The following KIF13A variants were observed in gnomAD, a reference collection of about 807,000 sequenced individuals.
KIF13A encodes the protein kinesin-like protein KIF13A.
In KIF13A, 79 loss-of-function variants were observed where a neutral mutation model predicts 212.2. The ratio of observed to expected loss-of-function variants is 0.37; its 90% CI spans 0.31 to 0.45. KIF13A has a LOEUF of 0.45. KIF13A is among the 20% of genes least tolerant of loss of function. The probability of loss-of-function intolerance (pLI) is 1.00; values close to 1 mark genes in which losing one functional copy is unlikely to be tolerated. For synonymous variants in KIF13A, 789 were observed against 808.6 expected, an observed-to-expected ratio of 0.98 and a Z score of 0.41; for missense variants, 1,901 against 2,209.0, an observed-to-expected ratio of 0.86 and a Z score of 2.79.
chr6:17,893,801 T>G (rs1196999726), intron 3 of KIF13A, among the ~76,000 whole-genome samples: 1 of 151,890 alleles, frequency 6.6e-6, no homozygotes, highest in African/African-American at 2.4e-5. Flanking sequence ...AAATAAACAT[T>G]GAATTCTGTC....
At chr6:17,983,757 GGA>G in intron 2 of KIF13A, among the ~76,000 whole-genome samples, 1 of 152,174 alleles carries the variant, frequency 6.6e-6, no homozygotes, top group South Asian at 2.1e-4. Flanking sequence ...CAAAGTGCTG[GGA>G]TTACAGGTGT....
At chr6:17,973,067 A>G (rs995413645) in intron 2 of KIF13A, among the ~76,000 whole-genome samples, 8 of 152,212 alleles carry the variant, frequency 5.3e-5, no homozygotes, top group Non-Finnish European at 1.2e-4. Flanking sequence ...GAAGATAGGA[A>G]ATATTGGAGA....
At chr6:17,810,341 C>A (rs1763325817) in intron 17 of KIF13A, among the ~76,000 whole-genome samples, 1 of 152,200 alleles carries the variant, frequency 6.6e-6, no homozygotes, top group Non-Finnish European at 1.5e-5. Context: ...CGGCTCAAGG[C>A]CTTGCAGGGC....
At chr6:17,797,321 G>A (rs1258599861) in intron 22 of KIF13A, among the ~76,000 whole-genome samples, 1 of 151,864 alleles carries the variant, frequency 6.6e-6, no homozygotes, top group Non-Finnish European at 1.5e-5. Flanking sequence ...GAGCCACCAT[G>A]CCCGGCCTCA....
In KIF13A at chr6:17,838,101, G is replaced by A. The variant is rs1291935979; in HGVS notation, c.831-518C>T. On this transcript the variant is annotated intron_variant, in intron 9 of 38. Coordinates refer to ENST00000259711, the MANE Select transcript of KIF13A (RefSeq NM_022113.6). This position sits in a 1 kb window ranked among gnomAD's most constrained non-coding sequence, Gnocchi z 4.2. ...GGAGGCTGAGGCAGGTGGATCATGAGGTCAGGGGTCAGGAGATCAAGACCA... is the reference window on the plus strand; with the variant it reads ...GGAGGCTGAGGCAGGTGGATCATGAAGTCAGGGGTCAGGAGATCAAGACCA... Among the ~76,000 whole-genome samples, 1 of 152,022 alleles carries A rather than the reference G, an allele frequency of 6.6e-6. No individual in the cohort carries two copies. The highest frequency in any genetic ancestry group is 1.9e-4 in the East Asian group (1 of 5,178).
chr6:17,841,079 C>CT (rs760337717), intron 9 of KIF13A, among the ~76,000 whole-genome samples: 4,028 of 137,430 alleles, frequency 0.029, 62 homozygotes, highest in Middle Eastern at 0.055. Flanking sequence ...ACCCCTTTTC[C>CT]TTTTTTTTTT....
chr6:17,765,590 G>A (rs1056285657), intron 38 of KIF13A, among the ~76,000 whole-genome samples: 3 of 152,182 alleles, frequency 2.0e-5, no homozygotes, highest in African/African-American at 7.2e-5. Flanking sequence ...TGAGAAGTAT[G>A]AGTAGAGGGT....
intron 22 of KIF13A, among the ~76,000 whole-genome samples, chr6:17,797,264 C>T (rs574235304): frequency 9.2e-5 from 14 of 152,134 alleles, no homozygotes; most frequent in Middle Eastern, 3.4e-3. Context: ...CTCCTGACCT[C>T]GTGATCCACC....
intron 9 of KIF13A, among the ~76,000 whole-genome samples, chr6:17,842,068 A>C (rs888117660): frequency 1.3e-5 from 2 of 150,002 alleles, no homozygotes; most frequent in Non-Finnish European, 3.0e-5. Flanking sequence ...TTTTTCTTTG[A>C]GATAGGGTCT....
intron 2 of KIF13A, among the ~76,000 whole-genome samples, chr6:17,943,400 A>ATTTTT (rs11311833): frequency 2.2e-4 from 29 of 132,302 alleles, no homozygotes; most frequent in Non-Finnish European, 2.4e-4. Flanking sequence ...TAAAACACAG[A>ATTTTT]TTTTTTTTTT....
chr6:17,925,949 A>G (rs1376031264), intron 2 of KIF13A, among the ~76,000 whole-genome samples: 1 of 152,224 alleles, frequency 6.6e-6, no homozygotes, highest in African/African-American at 2.4e-5. Context: ...ACAATTACTA[A>G]ATATGTCAGT....
chr6:17,907,911 T>A (rs1415578725), intron 2 of KIF13A, among the ~76,000 whole-genome samples: 1 of 152,074 alleles, frequency 6.6e-6, no homozygotes, highest in Non-Finnish European at 1.5e-5. Flanking sequence ...CATGGCCAGA[T>A]CTGTTTTAGG....
intron 4 of KIF13A, among the ~76,000 whole-genome samples, chr6:17,863,134 T>C (rs1395143004): frequency 6.6e-6 from 1 of 152,156 alleles, no homozygotes; most frequent in Non-Finnish European, 1.5e-5. Context: ...TACTTGTTCT[T>C]AGAAAGATTT....
At chr6:17,854,031 T>G (rs1415267610) in intron 6 of KIF13A, among the ~76,000 whole-genome samples, 1 of 152,216 alleles carries the variant, frequency 6.6e-6, no homozygotes, top group Non-Finnish European at 1.5e-5. Context: ...AATGTTATTT[T>G]GTATGCATTA....
chr6:17,898,187 G>A lies in KIF13A; in HGVS notation c.147-7C>T, dbSNP rs771142592. The A allele has an allele frequency of 2.5e-6, 4 of 1,611,594 alleles. No homozygotes were observed. In the East Asian group the frequency reaches 6.7e-5, roughly 27 times the overall value. On this transcript the variant is annotated splice_region_variant and splice_polypyrimidine_tract_variant and intron_variant, in intron 2 of 38. Transcript: ENST00000259711. This position sits in a 1 kb window ranked among gnomAD's most constrained non-coding sequence, Gnocchi z 5.2. ...GCTTACCTTGGGAGGTTTCCTTAAT[G>A]ATGGGAAAAAAAAAATTCAGCAGCA...
intron 4 of KIF13A, among the ~76,000 whole-genome samples, chr6:17,870,445 T>A (rs1040687084): frequency 2.8e-4 from 43 of 152,250 alleles, no homozygotes; most frequent in Middle Eastern, 3.4e-3. Flanking sequence ...TGAAGTCATT[T>A]CTGGTTTGAA....
rs1422439680 is a variant in KIF13A, at chr6:17,836,820, C to G, written c.1155+58G>C. On this transcript the variant is annotated intron_variant, in intron 11 of 38. Transcript: ENST00000259711. ...CAATTGCAAATGAGCACACCCTTGC[C>G]AGTCAAATCCCGCAAGCCAGGGAAC... The G allele has an allele frequency of 3.4e-6, 5 of 1,481,674 alleles. No homozygotes were observed. The East Asian group carries it at 1.1e-4, about 33-fold the overall frequency. 91.8% of individuals were successfully genotyped at this position (1,481,674 alleles called of 1,614,324 possible). A position where few individuals can be genotyped will look rare whatever the true frequency, so the allele number is the denominator to read the frequency against.
intron 16 of KIF13A, among the ~76,000 whole-genome samples, chr6:17,820,811 T>A (rs887171195): frequency 1.3e-5 from 2 of 152,078 alleles, no homozygotes; most frequent in African/African-American, 4.8e-5. Flanking sequence ...AACCGACCCA[T>A]CATCCCAAGA....
Position 17,873,519 on chromosome 6 carries a change from A to G in KIF13A, c.160-82T>C. 11 of 975,426 alleles carry G rather than the reference A, an allele frequency of 1.1e-5. No individual in the cohort carries two copies. The South Asian group carries it at 1.6e-4, about 14-fold the overall frequency. 60.4% of individuals were successfully genotyped at this position (975,426 alleles called of 1,614,324 possible). The stretch of plus-strand genomic sequence containing the variant: ...TCAGACTAAAATAAATCACAGGTGA[A>G]GATGAGAAGGATGGCCACTACTGTC... On this transcript the variant is annotated intron_variant, in intron 3 of 38. Coordinates refer to ENST00000259711, the MANE Select transcript of KIF13A (RefSeq NM_022113.6).
Sources: allele counts gnomAD v4.1 joint callset (sites outside exome capture counted in the v4.1 genomes callset), GRCh38; gene constraint gnomAD v4.1.1; non-coding constraint Gnocchi (gnomAD v3.1); transcripts MANE v1.5; gene names NCBI Gene and HGNC (gene_info 2026-07-23, HGNC 2026-07-21).